VTA1: variants seen among roughly 807,000 people sequenced by gnomAD.
VTA1 encodes vesicle trafficking 1, also known as vacuolar protein sorting-associated protein VTA1 homolog.
A neutral mutation model predicts 36.9 loss-of-function variants in VTA1; 24 were observed. The observed-to-expected ratio is 0.65, with a 90% CI of 0.47 to 0.91. The LOEUF (loss-of-function observed/expected upper bound fraction) is 0.91, where lower values mean the gene tolerates loss of function less well. VTA1 is among the 40% of genes least tolerant of loss of function. The pLI, the probability that VTA1 is intolerant of heterozygous loss-of-function variation, is 0.00. For synonymous variants in VTA1, 142 were observed against 130.2 expected (o/e 1.09, Z -0.62); for missense variants, 393 against 377.2 (o/e 1.04, Z -0.35).
Position 142,147,329 on chromosome 6 carries a change from C to G in VTA1, c.42C>G (p.Phe14Leu). The G allele has an allele frequency of 6.2e-7, 1 of 1,614,228 alleles. No homozygotes were observed. Among genetic ancestry groups the G allele is most frequent in the Non-Finnish European group, 8.5e-7 (1 of 1,180,042 alleles). The change falls in exon 1 of 8, where the codon TTC (phenylalanine) becomes TTG (leucine). Residue 14 changes from phenylalanine (F) to leucine (L), a missense_variant. Physicochemically the swap from Phe to Leu is conservative, Grantham distance 22. Coordinates refer to ENST00000367630, the MANE Select transcript of VTA1 (RefSeq NM_016485.5). Reference sequence around the variant, plus strand: ...CGCTGCCCCCGCTCCCCGCACAGTTCAAGAGCATACAGCATCATCTGAGGA... The same window carrying G: ...CGCTGCCCCCGCTCCCCGCACAGTTGAAGAGCATACAGCATCATCTGAGGA... ...LAPLPPLPAQ[F>L]KSIQHHLRTA...
intron 1 of VTA1, among the ~76,000 whole-genome samples, chr6:142,148,817 C>G (rs1344996947): frequency 6.6e-6 from 1 of 152,146 alleles, no homozygotes; most frequent in Non-Finnish European, 1.5e-5. Flanking sequence ...GCATACCTTG[C>G]ACCATCTGGG....
intron 4 of VTA1, among the ~76,000 whole-genome samples, chr6:142,171,478 G>A (rs1254497873): frequency 6.6e-6 from 1 of 152,150 alleles, no homozygotes; most frequent in African/African-American, 2.4e-5. Context: ...CTTGTAAAAT[G>A]CATATAAGAC....
At chr6:142,178,744 A>G (rs1296863049) in intron 4 of VTA1, among the ~76,000 whole-genome samples, 1 of 152,136 alleles carries the variant, frequency 6.6e-6, no homozygotes, top group Non-Finnish European at 1.5e-5. Context: ...AAATACAGCT[A>G]TGTTGTTACA....
intron 6 of VTA1, among the ~76,000 whole-genome samples, chr6:142,200,033 A>T (rs1775649805): frequency 6.6e-6 from 1 of 152,158 alleles, no homozygotes; most frequent in South Asian, 2.1e-4. Context: ...TCCCAGACAC[A>T]AGCATTCTCA....
At chr6:142,204,090 G>A (rs1175989106) in intron 7 of VTA1, 25 bp downstream of exon 7, 2 of 1,601,800 alleles carry the variant, frequency 1.2e-6, no homozygotes, top group Non-Finnish European at 1.7e-6. Context: ...TATTTTGTGA[G>A]ATACATTTAT....
At chr6:142,148,580 T>A (rs1778505555) in intron 1 of VTA1, among the ~76,000 whole-genome samples, 1 of 152,222 alleles carries the variant, frequency 6.6e-6, no homozygotes, top group Admixed American at 6.5e-5. Flanking sequence ...GCGCTGTGAC[T>A]ACATTTGCTG....
Position 142,189,497 on chromosome 6 carries a change from T to G in VTA1, c.483T>G (p.Thr161=). Residue 161 remains threonine (T), a synonymous_variant, in exon 5 of 8, where the codon ACT becomes ACG. Transcript: ENST00000367630. ...ATAATTGTTTAAAGAATGGGGAGAC[T>G]CCTCAAGCAGGCCCTGTTGGAATTG... ...YIHNCLKNGE[T]PQAGPVGIEE... 6.2e-7 allele frequency: 1 copy of G among 1,613,852 alleles called. No homozygotes were observed. Among genetic ancestry groups the G allele is most frequent in the Non-Finnish European group, 8.5e-7 (1 of 1,179,864 alleles).
intron 5 of VTA1, among the ~76,000 whole-genome samples, chr6:142,191,112 T>C (rs923385870): frequency 2.6e-5 from 4 of 152,196 alleles, no homozygotes; most frequent in Non-Finnish European, 5.9e-5. Flanking sequence ...CATTTATAAC[T>C]AAAGATGGTC....
At chr6:142,200,087 A>G (rs1240256377) in intron 6 of VTA1, among the ~76,000 whole-genome samples, 1 of 152,128 alleles carries the variant, frequency 6.6e-6, no homozygotes, top group Non-Finnish European at 1.5e-5. Context: ...GAGGCAAATC[A>G]TATTGGTTAT....
At chr6:142,204,206 G>A (rs902628383) in intron 7 of VTA1, 141 bp downstream of exon 7, 243 of 728,098 alleles carry the variant, frequency 3.3e-4, no homozygotes, top group Non-Finnish European at 4.2e-4. Context: ...AAATTTCCTT[G>A]AATGCTTATG....
At chr6:142,209,770 G>A (rs1261602002) in intron 7 of VTA1, among the ~76,000 whole-genome samples, 1 of 151,866 alleles carries the variant, frequency 6.6e-6, no homozygotes, top group African/African-American at 2.4e-5. Flanking sequence ...CATAAAAAAT[G>A]GAAAGATACT....
intron 7 of VTA1, among the ~76,000 whole-genome samples, chr6:142,218,216 G>C (rs1175895061): frequency 6.6e-6 from 1 of 152,090 alleles, no homozygotes; most frequent in Non-Finnish European, 1.5e-5. Flanking sequence ...TTTTAGCATA[G>C]ACACCAAAGC....
intron 4 of VTA1, among the ~76,000 whole-genome samples, chr6:142,187,577 C>T (rs558740852): frequency 2.6e-5 from 4 of 152,292 alleles, no homozygotes; most frequent in African/African-American, 9.6e-5. Flanking sequence ...CCCCACCCCA[C>T]AGAGTGAACT....
intron 4 of VTA1, among the ~76,000 whole-genome samples, chr6:142,181,095 AT>A (rs1197132996): frequency 0.01 from 356 of 35,198 alleles, 1 homozygote; most frequent in African/African-American, 0.029. Flanking sequence ...AAAAAAAAAA[AT>A]ATATATATAT....
Position 142,220,641 on chromosome 6 carries a change from C to T in VTA1, c.*1998C>T, listed in dbSNP as rs1776092041. ...TTATTTCCCTAATATCAGGAAATCC[C>T]AGTTGTCTATGTGGCCCAGTGCTTA... is the stretch of plus-strand genomic sequence containing the variant. On this transcript the variant is annotated 3_prime_UTR_variant, in exon 8 of 8. Transcript: ENST00000367630. 1 of 152,056 alleles carries T rather than the reference C, an allele frequency of 6.6e-6. No individual in the cohort carries two copies. The highest frequency in any genetic ancestry group is 2.4e-5 in the African/African-American group (1 of 41,392). The allele number at this position is 152,056 out of a possible 1,614,324, so 9.4% of individuals were successfully genotyped here.
At chr6:142,202,909 G>A (rs1014072780) in intron 6 of VTA1, among the ~76,000 whole-genome samples, 2 of 151,796 alleles carry the variant, frequency 1.3e-5, no homozygotes, top group African/African-American at 4.8e-5. Flanking sequence ...GCTTTTAATA[G>A]TTCCAAAGGG....
intron 5 of VTA1, among the ~76,000 whole-genome samples, chr6:142,198,078 C>A (rs1775591930): frequency 7.0e-6 from 1 of 142,596 alleles, no homozygotes; most frequent in African/African-American, 2.7e-5. Flanking sequence ...GCCTGGGCAG[C>A]AGAGTGAGAC....
At chr6:142,171,647 GGC>G (rs1326785595) in intron 4 of VTA1, among the ~76,000 whole-genome samples, 2 of 152,284 alleles carry the variant, frequency 1.3e-5, no homozygotes, top group African/African-American at 4.8e-5. Flanking sequence ...CACCATAACA[GGC>G]TTTACCATTC....
In VTA1 at chr6:142,224,237, T is replaced by A. The variant is rs1050579401; in HGVS notation, c.*5594T>A. 9.9e-5 allele frequency: 15 copies of A among 152,238 alleles called. No individual in the cohort carries two copies. The highest frequency in any genetic ancestry group is 9.2e-4 in the Admixed American group (14 of 15,280). The allele number at this position is 152,238 out of a possible 1,614,324, so 9.4% of individuals were successfully genotyped here. On this transcript the variant is annotated 3_prime_UTR_variant, in exon 8 of 8. Transcript: ENST00000367630. ...GACACGCAGAGGCTCGAATATGCTCTCAACCCTATCAGTTGCCTGCTTTAA... is the reference window on the plus strand; with the variant it reads ...GACACGCAGAGGCTCGAATATGCTCACAACCCTATCAGTTGCCTGCTTTAA...
Sources: gnomAD v4.1 joint callset for allele counts (sites outside exome capture counted in the v4.1 genomes callset) on GRCh38, gnomAD v4.1.1 for gene constraint, MANE v1.5 for transcripts, NCBI Gene and HGNC (gene_info 2026-07-23, HGNC 2026-07-21) for gene names.